The following TTF1 variants were observed in gnomAD, a reference collection of about 807,000 sequenced individuals.
TTF1 encodes transcription termination factor, RNA polymerase I.
A neutral mutation model predicts 80.2 loss-of-function variants in TTF1; 64 were observed. The observed-to-expected ratio is 0.80, with a 90% CI of 0.65 to 0.98. The LOEUF (loss-of-function observed/expected upper bound fraction) is 0.98, where lower values mean the gene tolerates loss of function less well. Ranked by LOEUF, TTF1 falls within the 50% of genes least tolerant of loss-of-function variation. The pLI is 0.00. For missense variants in TTF1, 1,023 were observed against 1,086.2 expected (o/e 0.94, Z 0.82); for synonymous variants, 372 against 382.7 (o/e 0.97, Z 0.33).
intron 1 of TTF1, among the ~76,000 whole-genome samples, chr9:132,405,420 C>CTGGT (rs1400452405): frequency 6.6e-6 from 1 of 152,074 alleles, no homozygotes; most frequent in Non-Finnish European, 1.5e-5. Flanking sequence ...GTTGGCCAGG[C>CTGGT]TGGTCTTGAA....
At chr9:132,389,723 G>C (rs1258830791) in intron 7 of TTF1, among the ~76,000 whole-genome samples, 1 of 152,226 alleles carries the variant, frequency 6.6e-6, no homozygotes, top group Non-Finnish European at 1.5e-5. Flanking sequence ...CCACTGGTTT[G>C]AGGAGTTCGC....
chr9:132,387,937 G>A (rs1322314742), intron 8 of TTF1, among the ~76,000 whole-genome samples: 1 of 152,220 alleles, frequency 6.6e-6, no homozygotes, highest in Admixed American at 6.5e-5. Context: ...AGCTAGGTAC[G>A]ATTATCGTCA....
chr9:132,404,403 G>A (rs532539251), intron 1 of TTF1, among the ~76,000 whole-genome samples: 34 of 151,290 alleles, frequency 2.2e-4, no homozygotes, highest in African/African-American at 7.3e-4. Context: ...TCTCTGTCTC[G>A]CTGCAACAAA....
chr9:132,377,488 GT>G (rs1849225880), intron 10 of TTF1, among the ~76,000 whole-genome samples: 1 of 8,742 alleles, frequency 1.1e-4, no homozygotes, highest in Non-Finnish European at 5.4e-4. Context: ...AATGCATGTG[GT>G]GTGTGTGAGT....
rs1849871595 is a variant in TTF1, at chr9:132,406,581, G to A, written c.-8+209C>T. 2.7e-5 allele frequency among the ~76,000 whole-genome samples: 4 copies of A among 146,582 alleles called. 1 individual carries two copies. Among genetic ancestry groups the A allele is most frequent in the African/African-American group, 1.0e-4 (4 of 39,530 alleles). The stretch of plus-strand genomic sequence containing the variant: ...CGCGCCACCGCACTCCAGCCTGGGC[G>A]ACAAGAGCAAAACTCCATCTTTAAA... On this transcript the variant is annotated intron_variant, in intron 1 of 10. Transcript: ENST00000334270.
chr9:132,405,208 CTTTTTCTTTTTTTG>C (rs1849843982), intron 1 of TTF1, among the ~76,000 whole-genome samples: 1 of 148,118 alleles, frequency 6.8e-6, no homozygotes. Flanking sequence ...TTCTTTTTTT[CTTTTTCTTTTTTTG>C]GAGACAGAAT....
At chr9:132,400,713 A>G (rs993458413) in intron 2 of TTF1, among the ~76,000 whole-genome samples, 1 of 152,112 alleles carries the variant, frequency 6.6e-6, no homozygotes, top group Non-Finnish European at 1.5e-5. Flanking sequence ...TGATTTTCAA[A>G]CTTTTTACTG....
chr9:132,380,691 A>G (rs1251045078), intron 9 of TTF1, among the ~76,000 whole-genome samples: 4 of 152,184 alleles, frequency 2.6e-5, no homozygotes, highest in Non-Finnish European at 4.4e-5. Flanking sequence ...AATCCTGCCT[A>G]TATAATTCAC....
intron 5 of TTF1, among the ~76,000 whole-genome samples, chr9:132,392,526 C>T (rs1003922281): frequency 3.9e-5 from 6 of 152,304 alleles, no homozygotes; most frequent in African/African-American, 1.4e-4. Flanking sequence ...GCATGCTCGC[C>T]AGTGCCGTTT....
chr9:132,397,230 A>G (rs1485183706), intron 4 of TTF1, among the ~76,000 whole-genome samples: 1 of 152,222 alleles, frequency 6.6e-6, no homozygotes, highest in Non-Finnish European at 1.5e-5. Context: ...ATACAGGGTA[A>G]CAGTTTTCCA....
At position 132,376,187 on chromosome 9, in the gene TTF1, A is replaced by G. The variant is rs961444051; in HGVS notation, c.2465-19T>C. On this transcript the variant is annotated intron_variant, in intron 10 of 10. Transcript: ENST00000334270. ...ATGATCTCTACAGAAAAGAAATTTA[A>G]TTGTGCAGTTATCTGTCTGTACAAG... is the stretch of plus-strand genomic sequence containing the variant. 13 of 1,603,536 alleles carry G rather than the reference A, an allele frequency of 8.1e-6. No homozygotes were observed. Among genetic ancestry groups the G allele is most frequent in the Non-Finnish European group, 1.1e-5 (13 of 1,177,900 alleles).
chr9:132,377,618 G>GCTGC (rs1564181302), intron 10 of TTF1, among the ~76,000 whole-genome samples: 1 of 38,566 alleles, frequency 2.6e-5, no homozygotes, highest in Non-Finnish European at 5.7e-5. Context: ...GAATGCATGT[G>GCTGC]GTGTGAGTGC....
intron 9 of TTF1, among the ~76,000 whole-genome samples, chr9:132,382,703 G>C (rs1342977693): frequency 6.7e-6 from 1 of 150,286 alleles, no homozygotes; most frequent in East Asian, 2.0e-4. Context: ...AGGGATTAAG[G>C]CCAGGAGTTC....
At chr9:132,386,126 G>A (rs1849465506) in intron 9 of TTF1, among the ~76,000 whole-genome samples, 1 of 152,142 alleles carries the variant, frequency 6.6e-6, no homozygotes, top group Admixed American at 6.6e-5. Context: ...CAACTCGACT[G>A]TATGGTAATA....
chr9:132,392,081 C>A lies in TTF1; in HGVS notation c.1982G>T (p.Ser661Ile), dbSNP rs925093440. 3.7e-6 allele frequency: 6 copies of A among 1,613,874 alleles called. No homozygotes were observed. Among genetic ancestry groups the A allele is most frequent in the Non-Finnish European group, 5.1e-6 (6 of 1,180,016 alleles). Residue 661 changes from serine to isoleucine, a missense_variant, in exon 6 of 11, where the codon AGC becomes ATC. By Grantham distance (142) the Ser-to-Ile change is moderately radical. Coordinates refer to ENST00000334270, the MANE Select transcript of TTF1 (RefSeq NM_007344.4). Reference sequence around the variant, plus strand: ...CACTGGGGGCTGCCACTTACGACTGCTGATCTGTGAGAACTTGAGGGCCAC... The same window carrying A: ...CACTGGGGGCTGCCACTTACGACTGATGATCTGTGAGAACTTGAGGGCCAC... ...LSVALKFSQISSQRNRGAWSK... is the reference protein window; with the variant it reads ...LSVALKFSQIISQRNRGAWSK...
At position 132,402,187 on chromosome 9, in the gene TTF1, G is replaced by A. The variant is rs770380204; in HGVS notation, c.635C>T (p.Ala212Val). 1.2e-6 allele frequency: 2 copies of A among 1,614,108 alleles called. No homozygotes were observed. The highest frequency in any genetic ancestry group is 1.6e-4 in the Middle Eastern group (1 of 6,062). ...GPGGEITELPASAHKNKSKKK... is the reference protein window; with the variant it reads ...GPGGEITELPVSAHKNKSKKK... ...CTTAGACTTGTTTTTATGAGCAGATGCTGGTAGTTCTGTAATTTCACCCCC... is the reference window on the plus strand; with the variant it reads ...CTTAGACTTGTTTTTATGAGCAGATACTGGTAGTTCTGTAATTTCACCCCC... The change falls in exon 2 of 11, where the codon GCA becomes GTA. Residue 212 changes from alanine to valine, a missense_variant. Transcript: ENST00000334270.
intron 9 of TTF1, among the ~76,000 whole-genome samples, chr9:132,386,312 T>G (rs1345598036): frequency 6.6e-6 from 1 of 152,210 alleles, no homozygotes; most frequent in Middle Eastern, 3.2e-3. Context: ...GTGATGTATT[T>G]AGTGTCATGA....
Position 132,384,266 on chromosome 9 carries a change from C to T in TTF1, c.2378+2290G>A, listed in dbSNP as rs1231188533. Among the ~76,000 whole-genome samples the T allele has an allele frequency of 1.3e-5, 2 of 152,004 alleles. No individual in the cohort carries two copies. The highest frequency in any genetic ancestry group is 4.8e-5 in the African/African-American group (2 of 41,372). On this transcript the variant is annotated intron_variant, in intron 9 of 10. Coordinates refer to ENST00000334270, the MANE Select transcript of TTF1 (RefSeq NM_007344.4). The surrounding 1 kb of genome is among the most constrained non-coding windows in gnomAD (Gnocchi z 4.1). ...TAATAAAGCAGTACTTAGAAGAAAA[C>T]ATATGGCCTTAAATGTATATTACAA...
chr9:132,394,286 A>G (rs1849608065), intron 5 of TTF1, among the ~76,000 whole-genome samples: 1 of 144,260 alleles, frequency 6.9e-6, no homozygotes, highest in African/African-American at 2.5e-5. Flanking sequence ...ATTCTTCACT[A>G]TTTTTTTTTT....
Sources: allele counts gnomAD v4.1 joint callset (sites outside exome capture counted in the v4.1 genomes callset), GRCh38; gene constraint gnomAD v4.1.1; non-coding constraint Gnocchi (gnomAD v3.1); transcripts MANE v1.5; gene names NCBI Gene and HGNC (gene_info 2026-07-23, HGNC 2026-07-21).